Variants in SLC26A7 observed in about 807,000 individuals in gnomAD.
SLC26A7 encodes anion exchange transporter.
A neutral mutation model predicts 82.5 loss-of-function variants in SLC26A7; 59 were observed. That is an observed-to-expected ratio of 0.72 (90% CI 0.58 to 0.89). SLC26A7 has a LOEUF of 0.89. Ranked by LOEUF, SLC26A7 falls within the 40% of genes least tolerant of loss-of-function variation. The probability of loss-of-function intolerance (pLI) is 0.00; values close to 1 mark genes in which losing one functional copy is unlikely to be tolerated. For missense variants in SLC26A7, 820 were observed against 793.0 expected (o/e 1.03, Z -0.41); for synonymous variants, 271 against 274.3 (o/e 0.99, Z 0.12).
At chr8:91,367,148 C>T (rs575230760) in intron 14 of SLC26A7, among the ~76,000 whole-genome samples, 1 of 152,122 alleles carries the variant, frequency 6.6e-6, no homozygotes, top group African/African-American at 2.4e-5. Context: ...GCTGGGACCA[C>T]AGGTACCCGC....
At chr8:91,342,055 G>A (rs1298899261) in intron 8 of SLC26A7, among the ~76,000 whole-genome samples, 1 of 151,814 alleles carries the variant, frequency 6.6e-6, no homozygotes, top group African/African-American at 2.4e-5. Context: ...AGCCTCCCCA[G>A]TAGCTGAGAC....
intron 11 of SLC26A7, among the ~76,000 whole-genome samples, chr8:91,353,483 G>A (rs1022188746): frequency 3.3e-5 from 5 of 152,084 alleles, no homozygotes; most frequent in Middle Eastern, 3.2e-3. Context: ...ACATTAAGAG[G>A]ACCATGCTTG....
rs1810164127 is a variant in SLC26A7, at chr8:91,221,787, T to G, written c.-34+2782T>G. On this transcript the variant is annotated intron_variant, in intron 2 of 5. Coordinates refer to the SLC26A7 transcript ENST00000522862. ...TGATTACTGTGTCCTTGTAGTATAG[T>G]TTGAAGTCAGGTAGCATGATGCCTG... Among the ~76,000 whole-genome samples, 4 of 152,218 alleles carry G rather than the reference T, an allele frequency of 2.6e-5. 1 individual carries two copies. In the South Asian group the frequency reaches 8.3e-4, roughly 31 times the overall value.
Position 91,312,255 on chromosome 8 carries a change from G to A in SLC26A7, c.478-5961G>A, listed in dbSNP as rs752877109. On this transcript the variant is annotated intron_variant, in intron 4 of 18. Transcript: ENST00000276609. ...TTTTATTTAGCATAATGTCCTCAAGGCTCATCCATGTTGTTACATTTTTGG... is the reference window on the plus strand; with the variant it reads ...TTTTATTTAGCATAATGTCCTCAAGACTCATCCATGTTGTTACATTTTTGG... Among the ~76,000 whole-genome samples, 3 of 152,026 alleles carry A rather than the reference G, an allele frequency of 2.0e-5. No individual in the cohort carries two copies. In the East Asian group the frequency reaches 5.8e-4, roughly 29 times the overall value.
chr8:91,318,900 TG>T (rs540630604), intron 5 of SLC26A7, among the ~76,000 whole-genome samples: 160 of 152,312 alleles, frequency 1.1e-3, no homozygotes, highest in African/African-American at 3.6e-3. Context: ...TTTTTGTTCT[TG>T]GGTTTGTTTT....
intron 2 of SLC26A7, among the ~76,000 whole-genome samples, chr8:91,256,280 A>G (rs577430493): frequency 1.1e-3 from 174 of 152,276 alleles, no homozygotes; most frequent in African/African-American, 4.0e-3. Context: ...AGGTGAGAGC[A>G]GGATCTAGCC....
intron 4 of SLC26A7, among the ~76,000 whole-genome samples, chr8:91,315,819 C>G (rs888793976): frequency 6.6e-6 from 1 of 152,142 alleles, no homozygotes; most frequent in Non-Finnish European, 1.5e-5. Flanking sequence ...TGTGACACCC[C>G]CTGTTGTTCC....
intron 2 of SLC26A7, among the ~76,000 whole-genome samples, chr8:91,254,615 A>T (rs1810751263): frequency 6.6e-6 from 1 of 152,078 alleles, no homozygotes; most frequent in Non-Finnish European, 1.5e-5. Flanking sequence ...GCTTTATTAG[A>T]CTGCCAAAGG....
chr8:91,322,379 T>C (rs991473308), intron 5 of SLC26A7, among the ~76,000 whole-genome samples: 3 of 152,178 alleles, frequency 2.0e-5, no homozygotes, highest in Non-Finnish European at 2.9e-5. Flanking sequence ...ACAATAATGT[T>C]ATAAGGGTCA....
At chr8:91,257,763 A>G (rs1810845015) in intron 2 of SLC26A7, among the ~76,000 whole-genome samples, 3 of 151,974 alleles carry the variant, frequency 2.0e-5, no homozygotes, top group Admixed American at 2.0e-4. Flanking sequence ...TGTTCCATAG[A>G]TAAACATGTG....
At chr8:91,309,910 G>A (rs368193369) in intron 4 of SLC26A7, among the ~76,000 whole-genome samples, 1 of 152,070 alleles carries the variant, frequency 6.6e-6, no homozygotes, top group East Asian at 1.9e-4. Context: ...CTAACTCGAG[G>A]TGTTTTTCCC....
intron 2 of SLC26A7, among the ~76,000 whole-genome samples, chr8:91,278,426 T>G (rs887824375): frequency 2.0e-5 from 3 of 152,162 alleles, no homozygotes; most frequent in Non-Finnish European, 4.4e-5. Context: ...GTAGAAGTGT[T>G]CAAAGACTAT....
rs143621492 is a variant in SLC26A7, at chr8:91,328,229, CG to C, written c.643-6064del. Among the ~76,000 whole-genome samples, 721 of 152,098 alleles carry C rather than the reference CG, an allele frequency of 4.7e-3. 8 individuals are homozygous for C. The highest frequency in any genetic ancestry group is 0.017 in the African/African-American group (689 of 41,528). ...TTACAGTGCCTTTTTTAGAAATTCA[CG>C]GCAGTTGTGCAATGAGAATTCAATA... On this transcript the variant is annotated intron_variant, in intron 5 of 18. Coordinates refer to ENST00000276609, the MANE Select transcript of SLC26A7 (RefSeq NM_052832.4).
intron 6 of SLC26A7, among the ~76,000 whole-genome samples, chr8:91,334,675 A>G (rs752704428): frequency 3.3e-5 from 5 of 152,192 alleles, no homozygotes; most frequent in Non-Finnish European, 7.4e-5. Flanking sequence ...AACATTTCTC[A>G]TATGCTTATA....
chr8:91,251,168 A>G (rs1231154309), intron 2 of SLC26A7, among the ~76,000 whole-genome samples: 2 of 152,264 alleles, frequency 1.3e-5, no homozygotes, highest in Admixed American at 1.3e-4. Context: ...GAAAATATCA[A>G]GTTAATAAGA....
chr8:91,221,577 GTGTTCTGCATA>G (rs572800603), intron 2 of SLC26A7, among the ~76,000 whole-genome samples: 185 of 152,310 alleles, frequency 1.2e-3, no homozygotes, highest in African/African-American at 4.2e-3. Flanking sequence ...TCCAGTTTCA[GTGTTCTGCATA>G]TGGCTAGCCA....
chr8:91,250,390 G>GT (rs1442511814), intron 2 of SLC26A7, among the ~76,000 whole-genome samples: 1 of 152,052 alleles, frequency 6.6e-6, no homozygotes, highest in African/African-American at 2.4e-5. Context: ...ATTTACTTCT[G>GT]TATCACATTA....
chr8:91,308,846 T>A (rs908191651), intron 4 of SLC26A7, among the ~76,000 whole-genome samples: 10 of 152,230 alleles, frequency 6.6e-5, no homozygotes, highest in African/African-American at 2.4e-4. Context: ...GTTGGCTCTG[T>A]GTCTGTCTTT....
intron 15 of SLC26A7, among the ~76,000 whole-genome samples, chr8:91,377,779 C>CT (rs1486248751): frequency 1.3e-5 from 2 of 152,194 alleles, no homozygotes; most frequent in African/African-American, 4.8e-5. Context: ...TCCGTGAACT[C>CT]TGAGTTCCTC....
Sources: gnomAD v4.1 joint callset for allele counts (sites outside exome capture counted in the v4.1 genomes callset) on GRCh38, gnomAD v4.1.1 for gene constraint, MANE v1.5 for transcripts, NCBI Gene and HGNC (gene_info 2026-07-23, HGNC 2026-07-21) for gene names.